The following SCARA3 variants were observed in gnomAD, a reference collection of about 807,000 sequenced individuals.
SCARA3 encodes the protein scavenger receptor class A member 3.
In SCARA3, 39 loss-of-function variants were observed where a neutral mutation model predicts 47.0. The ratio of observed to expected loss-of-function variants is 0.83; its 90% confidence interval spans 0.64 to 1.08. The LOEUF is 1.08. SCARA3 is among the 50% of genes least tolerant of loss of function. The pLI, the probability that SCARA3 is intolerant of heterozygous loss-of-function variation, is 0.00. For synonymous variants in SCARA3, 356 were observed against 334.1 expected, an observed-to-expected ratio of 1.07 and a Z score of -0.71; for missense variants, 724 against 792.3, an observed-to-expected ratio of 0.91 and a Z score of 1.04.
intron 3 of SCARA3, 41 bp downstream of exon 3, chr8:27,651,668 T>G: frequency 6.2e-7 from 1 of 1,608,626 alleles, no homozygotes; most frequent in African/African-American, 1.3e-5. Flanking sequence ...CAGGGGGGTG[T>G]CTGATCAGGG....
At chr8:27,636,412 G>A (rs1249630740) in intron 1 of SCARA3, among the ~76,000 whole-genome samples, 1 of 152,004 alleles carries the variant, frequency 6.6e-6, no homozygotes, top group African/African-American at 2.4e-5. Context: ...TTCCAGCCTG[G>A]GCAACAGAGT....
At chr8:27,707,008 T>C in the SCARA3 span, among the ~76,000 whole-genome samples, 17 of 152,166 alleles carry the variant, frequency 1.1e-4, no homozygotes, top group East Asian at 3.1e-3. Context: ...GAGACAGGGG[T>C]TATTCTTAGG....
the SCARA3 span, among the ~76,000 whole-genome samples, chr8:27,685,161 G>T: frequency 6.6e-6 from 1 of 152,072 alleles, no homozygotes; most frequent in Non-Finnish European, 1.5e-5. Flanking sequence ...GACATTAAAA[G>T]GAAATATTAT....
intron 1 of SCARA3, among the ~76,000 whole-genome samples, chr8:27,641,540 C>G (rs940721571): frequency 6.6e-6 from 1 of 152,136 alleles, no homozygotes; most frequent in Non-Finnish European, 1.5e-5. Flanking sequence ...TAGTGCAATT[C>G]GAAGAAAGCA....
intron 1 of SCARA3, among the ~76,000 whole-genome samples, chr8:27,634,755 G>A (rs973496358): frequency 2.6e-5 from 4 of 152,174 alleles, no homozygotes; most frequent in African/African-American, 9.7e-5. Flanking sequence ...TCCTTGGGAG[G>A]AAGCCGCCGG....
chr8:27,646,604 A>G (rs948258317), intron 1 of SCARA3, among the ~76,000 whole-genome samples: 41 of 152,250 alleles, frequency 2.7e-4, no homozygotes, highest in South Asian at 1.7e-3. Flanking sequence ...GGTTGGAAGG[A>G]ATACCTCCCC....
chr8:27,672,935 C>T lies in SCARA3; in HGVS notation c.*1584C>T. 3 of 985,468 alleles carry T rather than the reference C, an allele frequency of 3.0e-6. No individual in the cohort carries two copies. Among genetic ancestry groups the T allele is most frequent in the Middle Eastern group, 5.2e-4 (1 of 1,916 alleles). 61.0% of individuals were successfully genotyped at this position (985,468 alleles called of 1,614,324 possible). On this transcript the variant is annotated 3_prime_UTR_variant, in exon 6 of 6. Coordinates refer to ENST00000301904, the MANE Select transcript of SCARA3 (RefSeq NM_016240.3). ...GTGCAACTGGTTTGCACTGCACACC[C>T]CACGGCCATGTAACTCTCCTGTCCA... is the stretch of plus-strand genomic sequence containing the variant.
intron 1 of SCARA3, among the ~76,000 whole-genome samples, chr8:27,646,035 A>G (rs1214284957): frequency 3.9e-5 from 6 of 152,218 alleles, no homozygotes; most frequent in Non-Finnish European, 8.8e-5. Flanking sequence ...ACGAGGCTAC[A>G]GTGGTGAGTT....
At chr8:27,715,022 C>T in the SCARA3 span, among the ~76,000 whole-genome samples, 250 of 152,208 alleles carry the variant, frequency 1.6e-3, no homozygotes, top group African/African-American at 5.3e-3. The surrounding 1 kb of genome is among the most constrained non-coding windows in gnomAD (Gnocchi z 4.2). Context: ...TGGGCTCAAG[C>T]GATCCTCACA....
chr8:27,673,869 G>A (rs1345928517), downstream of SCARA3, among the ~76,000 whole-genome samples: 1 of 152,166 alleles, frequency 6.6e-6, no homozygotes, highest in Admixed American at 6.5e-5. Context: ...CCTGAACTGT[G>A]AGAGCTGGGA....
chr8:27,637,107 G>A (rs1188344986), intron 1 of SCARA3, among the ~76,000 whole-genome samples: 1 of 152,246 alleles, frequency 6.6e-6, no homozygotes, highest in Admixed American at 6.5e-5. Flanking sequence ...TGGGGAAGGT[G>A]ATCAAGAAAA....
At chr8:27,713,653 G>C in the SCARA3 span, among the ~76,000 whole-genome samples, 1 of 152,246 alleles carries the variant, frequency 6.6e-6, no homozygotes, top group East Asian at 1.9e-4. Flanking sequence ...GTGTCTCTCT[G>C]AGTTGTCCCC....
intron 1 of SCARA3, 97 bp downstream of exon 1, chr8:27,634,304 G>T: frequency 8.9e-7 from 1 of 1,124,048 alleles, no homozygotes; most frequent in South Asian, 3.6e-5. Flanking sequence ...GCGAGGCTGA[G>T]AGGAGGGCAG....
At chr8:27,682,970 G>A in the SCARA3 span, among the ~76,000 whole-genome samples, 1 of 151,688 alleles carries the variant, frequency 6.6e-6, no homozygotes, top group East Asian at 1.9e-4. Context: ...AAAAATTATT[G>A]TACAAGAATA....
At chr8:27,638,091 T>TAG (rs1392261134) in intron 1 of SCARA3, among the ~76,000 whole-genome samples, 2 of 152,110 alleles carry the variant, frequency 1.3e-5, no homozygotes, top group East Asian at 3.9e-4. Context: ...CTTTGCCCTC[T>TAG]AGCTGGGGGT....
chr8:27,651,141 C>G (rs1209043596), intron 2 of SCARA3, among the ~76,000 whole-genome samples: 1 of 152,224 alleles, frequency 6.6e-6, no homozygotes, highest in African/African-American at 2.4e-5. Flanking sequence ...CTGGGCAAGC[C>G]CAGACAAGTT....
At chr8:27,643,470 G>A (rs989143213) in intron 1 of SCARA3, among the ~76,000 whole-genome samples, 1 of 152,172 alleles carries the variant, frequency 6.6e-6, no homozygotes, top group African/African-American at 2.4e-5. Context: ...AAGATTTGAA[G>A]GGAAAGGACC....
At chr8:27,724,460 G>A in the SCARA3 span, among the ~76,000 whole-genome samples, 3 of 152,042 alleles carry the variant, frequency 2.0e-5, no homozygotes, top group East Asian at 1.9e-4. Context: ...TCGGGAGTTC[G>A]AGATCAGCCT....
chr8:27,661,963 G>T (rs1216226063), intron 5 of SCARA3, among the ~76,000 whole-genome samples: 1 of 152,122 alleles, frequency 6.6e-6, no homozygotes, highest in African/African-American at 2.4e-5. Flanking sequence ...GTCAGGATCA[G>T]TCACCCACAC....
Sources: allele counts gnomAD v4.1 joint callset (sites outside exome capture counted in the v4.1 genomes callset), GRCh38; gene constraint gnomAD v4.1.1; non-coding constraint Gnocchi (gnomAD v3.1); transcripts MANE v1.5; gene names NCBI Gene and HGNC (gene_info 2026-07-23, HGNC 2026-07-21).